The following SFMBT1 variants were observed in gnomAD, a reference collection of about 807,000 sequenced individuals.
SFMBT1 encodes scm-like with four MBT domains protein 1.
Under a neutral mutation model 108.7 loss-of-function variants are expected in SFMBT1, and 32 were observed. The ratio of observed to expected loss-of-function variants is 0.29; its 90% CI spans 0.22 to 0.40. The LOEUF (loss-of-function observed/expected upper bound fraction) is 0.40. SFMBT1 is among the 10% of genes least tolerant of loss of function. The probability of loss-of-function intolerance (pLI) is 1.00; values close to 1 mark genes in which losing one functional copy is unlikely to be tolerated. For synonymous variants in SFMBT1, 348 were observed against 369.5 expected (o/e 0.94, Z 0.67); for missense variants, 816 against 1,059.6 (o/e 0.77, Z 3.19).
At chr3:52,936,919 A>C (rs1217597512) in intron 4 of SFMBT1, among the ~76,000 whole-genome samples, 5 of 131,010 alleles carry the variant, frequency 3.8e-5, no homozygotes, top group South Asian at 2.4e-4. Context: ...TTTGAGACAG[A>C]GTCTTGCTCT....
intron 1 of SFMBT1, among the ~76,000 whole-genome samples, chr3:53,004,782 C>A (rs1485930091): frequency 7.3e-6 from 1 of 137,654 alleles, no homozygotes. Context: ...AGGGCCTCCA[C>A]CTTGATGCCA....
At chr3:52,966,400 T>C (rs1414375446) in intron 2 of SFMBT1, among the ~76,000 whole-genome samples, 2 of 144,278 alleles carry the variant, frequency 1.4e-5, no homozygotes, top group African/African-American at 2.6e-5. Flanking sequence ...CCGAGACAGG[T>C]GGATCACAGG....
At chr3:52,969,957 G>A (rs1260966065) in intron 1 of SFMBT1, among the ~76,000 whole-genome samples, 1 of 152,084 alleles carries the variant, frequency 6.6e-6, no homozygotes, top group African/African-American at 2.4e-5. Context: ...ACAAAAACTA[G>A]CTGGGTATGG....
At chr3:52,943,863 TATAA>T (rs1703274198) in intron 3 of SFMBT1, among the ~76,000 whole-genome samples, 1 of 152,244 alleles carries the variant, frequency 6.6e-6, no homozygotes, top group Non-Finnish European at 1.5e-5. Context: ...CTATTAAGTA[TATAA>T]ATTACTAGTC....
At chr3:52,972,052 CCA>C in intron 1 of SFMBT1, among the ~76,000 whole-genome samples, 1 of 152,320 alleles carries the variant, frequency 6.6e-6, no homozygotes, top group Middle Eastern at 3.4e-3. Flanking sequence ...TGGATAATCT[CCA>C]CATATAAAGT....
At chr3:52,967,849 C>G (rs1240024684) in intron 2 of SFMBT1, among the ~76,000 whole-genome samples, 2 of 152,190 alleles carry the variant, frequency 1.3e-5, no homozygotes, top group African/African-American at 2.4e-5. Flanking sequence ...TGTAGAGAAA[C>G]TAGAACTCTC....
At chr3:52,960,049 T>A (rs1168627446) in intron 2 of SFMBT1, among the ~76,000 whole-genome samples, 1 of 151,896 alleles carries the variant, frequency 6.6e-6, no homozygotes, top group African/African-American at 2.4e-5. Flanking sequence ...GTAAGTAGAA[T>A]AGATAAGTTA....
intron 1 of SFMBT1, among the ~76,000 whole-genome samples, chr3:53,029,671 T>C (rs1001927933): frequency 4.6e-5 from 7 of 152,230 alleles, no homozygotes; most frequent in Non-Finnish European, 1.0e-4. Flanking sequence ...GCAGCATACA[T>C]TCAGGCCTTA....
chr3:53,009,385 T>C (rs921614939), intron 1 of SFMBT1, among the ~76,000 whole-genome samples: 1 of 151,932 alleles, frequency 6.6e-6, no homozygotes, highest in African/African-American at 2.4e-5. Flanking sequence ...GAGGCAGAGA[T>C]TGCAGTGAGC....
intron 1 of SFMBT1, among the ~76,000 whole-genome samples, chr3:53,026,062 C>T (rs1306341936): frequency 6.6e-6 from 1 of 152,176 alleles, no homozygotes; most frequent in Non-Finnish European, 1.5e-5. Flanking sequence ...CCAAATGCAA[C>T]TGATCACTTT....
intron 1 of SFMBT1, among the ~76,000 whole-genome samples, chr3:53,012,734 T>C (rs761933024): frequency 7.9e-5 from 12 of 151,544 alleles, no homozygotes; most frequent in Non-Finnish European, 1.3e-4. Context: ...ATTTTAGTAA[T>C]AGGAAAACAC....
At chr3:52,968,377 A>G (rs1704218579) in intron 2 of SFMBT1, among the ~76,000 whole-genome samples, 1 of 152,188 alleles carries the variant, frequency 6.6e-6, no homozygotes, top group African/African-American at 2.4e-5. Context: ...ACATGTGACA[A>G]AATGACATAG....
intron 15 of SFMBT1, among the ~76,000 whole-genome samples, chr3:52,913,176 G>A (rs559728475): frequency 5.9e-5 from 9 of 152,214 alleles, no homozygotes; most frequent in South Asian, 2.1e-4. Flanking sequence ...ACATAGCCAC[G>A]GCCTTTCAGT....
intron 1 of SFMBT1, among the ~76,000 whole-genome samples, chr3:52,984,595 G>C (rs1704836418): frequency 6.6e-6 from 1 of 151,652 alleles, no homozygotes; most frequent in African/African-American, 2.4e-5. Flanking sequence ...AAATTTTCTA[G>C]CTTTCTTTAA....
In SFMBT1 at chr3:52,953,089, C is replaced by G. The variant is rs577761769; in HGVS notation, c.123+1228G>C. Among the ~76,000 whole-genome samples, 189 of 152,320 alleles carry G rather than the reference C, an allele frequency of 1.2e-3. 1 individual carries two copies. The highest frequency in any genetic ancestry group is 4.5e-3 in the African/African-American group (185 of 41,570). On this transcript the variant is annotated intron_variant, in intron 3 of 20. Transcript: ENST00000394752. ...TGATATTTTGTTATGGCAGCCCAAG[C>G]AGACTATGACAAATATGAAATAAGT...
At chr3:53,045,495 T>C (rs867258507) in intron 1 of SFMBT1, among the ~76,000 whole-genome samples, 1,996 of 142,986 alleles carry the variant, frequency 0.014, 55 homozygotes, top group African/African-American at 0.048. Context: ...CCGCGCTGCC[T>C]GCCAGGGGCT....
chr3:53,032,477 T>G lies in SFMBT1; in HGVS notation c.-131+13339A>C, dbSNP rs531071789. ...GGTGGGCAGGGAACAAGAAACAAAG[T>G]ATTGTAGGCCACACAAGAAGTTTGG... is the stretch of plus-strand genomic sequence containing the variant. On this transcript the variant is annotated intron_variant, in intron 1 of 20. Coordinates refer to ENST00000394752, the MANE Select transcript of SFMBT1 (RefSeq NM_016329.4). Among the ~76,000 whole-genome samples the G allele has an allele frequency of 2.0e-5, 3 of 152,272 alleles. No individual in the cohort carries two copies. The East Asian group carries it at 5.8e-4, about 29-fold the overall frequency.
At chr3:52,925,627 A>G (rs1336134842) in intron 10 of SFMBT1, among the ~76,000 whole-genome samples, 1 of 152,208 alleles carries the variant, frequency 6.6e-6, no homozygotes, top group East Asian at 1.9e-4. Flanking sequence ...AGGGACTGCT[A>G]TTTTACCTTC....
At chr3:52,985,104 G>T (rs1040338381) in intron 1 of SFMBT1, among the ~76,000 whole-genome samples, 1 of 152,012 alleles carries the variant, frequency 6.6e-6, no homozygotes, top group African/African-American at 2.4e-5. Context: ...TTATTTATGG[G>T]AGCCAGTAAC....
Sources: allele counts gnomAD v4.1 joint callset (sites outside exome capture counted in the v4.1 genomes callset), GRCh38; gene constraint gnomAD v4.1.1; transcripts MANE v1.5; gene names NCBI Gene and HGNC (gene_info 2026-07-23, HGNC 2026-07-21).